The following SNTG2 variants were observed in gnomAD, a reference collection of about 807,000 sequenced individuals.
The protein encoded by SNTG2 is syntrophin gamma 2, also known as gamma-2-syntrophin.
A neutral mutation model predicts 70.9 loss-of-function variants in SNTG2; 74 were observed. The observed-to-expected ratio is 1.04, with a 90% CI of 0.86 to 1.27. SNTG2 has a LOEUF of 1.27. Among genes scored for constraint, SNTG2 ranks in the 50% most tolerant of loss-of-function variants. The pLI, the probability that SNTG2 is intolerant of heterozygous loss-of-function variation, is 0.00. For synonymous variants in SNTG2, 278 were observed against 273.8 expected, an observed-to-expected ratio of 1.02 and a Z score of -0.15; for missense variants, 717 against 690.7, an observed-to-expected ratio of 1.04 and a Z score of -0.43.
intron 16 of SNTG2, among the ~76,000 whole-genome samples, chr2:1,366,141 A>C (rs3923533): frequency 0.72 from 109,738 of 152,038 alleles, 39,902 homozygotes; most frequent in East Asian, 0.94. Flanking sequence ...TGAGATTTAG[A>C]AAATAGGATG....
chr2:1,023,759 T>C (rs1660326807), intron 1 of SNTG2, among the ~76,000 whole-genome samples: 1 of 152,152 alleles, frequency 6.6e-6, no homozygotes, highest in Admixed American at 6.5e-5. Context: ...TTAGGCTCAA[T>C]GTCAAGTGGA....
rs377562298 is a variant in SNTG2, at chr2:1,062,169, G to A, written c.73-21349G>A. Reference sequence around the variant, plus strand: ...GTGTGCACTCACTGGAATTATATAAGTTGCTGGTAGGAATATAAATGGCTC... The same window carrying A: ...GTGTGCACTCACTGGAATTATATAAATTGCTGGTAGGAATATAAATGGCTC... On this transcript the variant is annotated intron_variant, in intron 1 of 16. Coordinates refer to ENST00000308624, the MANE Select transcript of SNTG2 (RefSeq NM_018968.4). 8.5e-5 allele frequency among the ~76,000 whole-genome samples: 13 copies of A among 152,254 alleles called. No homozygotes were observed. The East Asian group carries it at 1.9e-3, about 23-fold the overall frequency.
chr2:991,406 C>CACACACACACACAA (rs1238273034), intron 1 of SNTG2, among the ~76,000 whole-genome samples: 1 of 151,310 alleles, frequency 6.6e-6, no homozygotes, highest in Non-Finnish European at 1.5e-5. Context: ...CACACACACA[C>CACACACACACACAA]AATTATGACT....
chr2:1,101,973 T>C (rs1384466758), intron 4 of SNTG2, among the ~76,000 whole-genome samples: 1 of 152,256 alleles, frequency 6.6e-6, no homozygotes, highest in African/African-American at 2.4e-5. Context: ...ATAAAATTAT[T>C]AGTGTGCTTA....
intron 16 of SNTG2, among the ~76,000 whole-genome samples, chr2:1,324,588 TAAA>T (rs1681687081): frequency 1.3e-5 from 2 of 152,176 alleles, no homozygotes; most frequent in Admixed American, 1.3e-4. Flanking sequence ...AAGCAAATAA[TAAA>T]AATTCAAAAA....
intron 2 of SNTG2, among the ~76,000 whole-genome samples, chr2:1,085,103 G>C (rs914190784): frequency 1.3e-5 from 2 of 152,036 alleles, no homozygotes; most frequent in Non-Finnish European, 2.9e-5. Context: ...TAGATAAATC[G>C]CATGTCTGCT....
chr2:962,836 C>CA (rs948852279), intron 1 of SNTG2, among the ~76,000 whole-genome samples: 10 of 152,096 alleles, frequency 6.6e-5, no homozygotes, highest in East Asian at 1.9e-4. Context: ...GAAAACAAAA[C>CA]AAAAAAACAG....
chr2:1,367,197 A>C, intron 16 of SNTG2, 146 bp from the exon 17 acceptor site: 1 of 737,010 alleles, frequency 1.4e-6, no homozygotes, highest in Non-Finnish European at 2.1e-6. Flanking sequence ...TCTGCCTTTT[A>C]CTTTAAACCA....
chr2:1,129,731 G>A (rs1667907329), intron 4 of SNTG2, among the ~76,000 whole-genome samples: 1 of 152,174 alleles, frequency 6.6e-6, no homozygotes. Context: ...TGGTTGTCAT[G>A]GTGTTGAGTA....
chr2:1,236,300 G>C (rs939012136), intron 9 of SNTG2, among the ~76,000 whole-genome samples: 1 of 152,244 alleles, frequency 6.6e-6, no homozygotes, highest in African/African-American at 2.4e-5. Context: ...ATTTTGAAGT[G>C]TAAAAATTAA....
chr2:1,033,545 A>T (rs999512437), intron 1 of SNTG2, among the ~76,000 whole-genome samples: 3 of 152,198 alleles, frequency 2.0e-5, no homozygotes, highest in Admixed American at 6.5e-5. Flanking sequence ...AAAATATCAT[A>T]AAGCTTACTC....
chr2:1,296,362 A>G (rs1680215469), intron 14 of SNTG2, among the ~76,000 whole-genome samples: 1 of 152,092 alleles, frequency 6.6e-6, no homozygotes, highest in Non-Finnish European at 1.5e-5. Context: ...TGTTATTCCC[A>G]TTTTTCAGAT....
chr2:1,354,943 T>C (rs1159735827), intron 16 of SNTG2, among the ~76,000 whole-genome samples: 1 of 152,242 alleles, frequency 6.6e-6, no homozygotes, highest in Non-Finnish European at 1.5e-5. Context: ...AAGTTCTCCC[T>C]GTGTCACACA....
At chr2:1,231,959 A>G (rs1407656715) in intron 9 of SNTG2, among the ~76,000 whole-genome samples, 1 of 152,190 alleles carries the variant, frequency 6.6e-6, no homozygotes, top group Non-Finnish European at 1.5e-5. Flanking sequence ...GGCAAGATGC[A>G]TGGACGTGCA....
chr2:1,333,015 A>G (rs973133779), intron 16 of SNTG2, among the ~76,000 whole-genome samples: 1 of 152,196 alleles, frequency 6.6e-6, no homozygotes, highest in African/African-American at 2.4e-5. Flanking sequence ...AGGTCAAACT[A>G]TCGCTGTTTG....
chr2:1,150,797 A>G (rs62105992), intron 6 of SNTG2, among the ~76,000 whole-genome samples: 150,373 of 152,200 alleles, frequency 0.99, 74,309 homozygotes, highest in Middle Eastern at 1. Context: ...AGAAGTTGTC[A>G]AGGGAAGACC....
chr2:1,004,013 T>C (rs1659488634), intron 1 of SNTG2, among the ~76,000 whole-genome samples: 1 of 152,178 alleles, frequency 6.6e-6, no homozygotes, highest in Non-Finnish European at 1.5e-5. Flanking sequence ...ATTACTTCAT[T>C]TGGGAAGAGA....
At chr2:1,221,825 C>CTGTCTCTATCTCTG (rs1163645034) in intron 9 of SNTG2, among the ~76,000 whole-genome samples, 1 of 15,932 alleles carries the variant, frequency 6.3e-5, no homozygotes, top group Non-Finnish European at 1.0e-4. Context: ...GTCTCTGTCT[C>CTGTCTCTATCTCTG]TCTCTGTCTC....
chr2:1,137,708 A>T (rs765508231), intron 5 of SNTG2, 43 bp downstream of exon 5: 2 of 1,613,250 alleles, frequency 1.2e-6, no homozygotes, highest in Non-Finnish European at 1.7e-6. Context: ...TTGCATTTTT[A>T]TTTTTAACTT....
Sources: gnomAD v4.1 joint callset for allele counts (sites outside exome capture counted in the v4.1 genomes callset) on GRCh38, gnomAD v4.1.1 for gene constraint, MANE v1.5 for transcripts, NCBI Gene and HGNC (gene_info 2026-07-23, HGNC 2026-07-21) for gene names.